BPTF: variants seen among roughly 807,000 people sequenced by gnomAD.
The protein encoded by BPTF is bromodomain PHD finger transcription factor.
A neutral mutation model predicts 292.5 loss-of-function variants in BPTF; 18 were observed. That is an observed-to-expected ratio of 0.06 (90% CI 0.04 to 0.09). The LOEUF is 0.09. Ranked by LOEUF, BPTF falls within the 10% of genes least tolerant of loss-of-function variation. BPTF has a pLI of 1.00. For missense variants in BPTF, 2,726 were observed against 3,498.7 expected (o/e 0.78, Z 5.57); for synonymous variants, 1,225 against 1,251.9 (o/e 0.98, Z 0.45).
intron 1 of BPTF, among the ~76,000 whole-genome samples, chr17:67,853,417 A>G (rs2144960937): frequency 6.6e-6 from 1 of 152,136 alleles, no homozygotes; most frequent in South Asian, 2.1e-4. Context: ...TCCACTTAGG[A>G]GGTACTTCTG....
chr17:67,964,232 G>T lies in BPTF; in HGVS notation c.8282G>T (p.Arg2761Leu). Residue 2761 changes from arginine to leucine, a missense_variant, in exon 25 of 28, where the codon CGG becomes CTG. Transcript: ENST00000306378. ...TGCAGATTTTATATTGGCTGTGATC[G>T]GTGTCAGAATTGGTACCATGGGCGC... ...DESKFYIGCD[R>L]CQNWYHGRCV... The T allele has an allele frequency of 6.2e-7, 1 of 1,611,160 alleles. No individual in the cohort carries two copies. The highest frequency in any genetic ancestry group is 1.3e-5 in the African/African-American group (1 of 74,952).
chr17:67,937,560 G>C (rs1001155618), intron 18 of BPTF, among the ~76,000 whole-genome samples: 1 of 152,114 alleles, frequency 6.6e-6, no homozygotes, highest in South Asian at 2.1e-4. Flanking sequence ...GAGAGCTGTG[G>C]AGCTGTGCAG....
At chr17:67,956,490 G>GT (rs1361568686) in intron 23 of BPTF, 1 of 151,822 alleles carries the variant, frequency 6.6e-6, no homozygotes, top group Non-Finnish European at 1.5e-5. Context: ...GCTGATTTTT[G>GT]TATTTTTAGT....
chr17:67,959,792 G>T lies in BPTF; in HGVS notation c.8178G>T (p.Lys2726Asn). The T allele has an allele frequency of 1.2e-6, 2 of 1,614,046 alleles. No individual in the cohort carries two copies. The highest frequency in any genetic ancestry group is 1.7e-6 in the Non-Finnish European group (2 of 1,179,988). ...EKDSSSKSKK[K>N]KMISTTSKET... ...ACTCCAGCTCAAAGTCCAAGAAAAA[G>T]AAAATGATCTCTACTACCTCAAAGG... Residue 2726 changes from lysine (K) to asparagine (N), a missense_variant, in exon 24 of 28, where the codon AAG becomes AAT. By Grantham distance (94) the Lys-to-Asn change is moderately conservative. Around this residue, in one of 22 missense-constraint regions of BPTF, gnomAD observed 148 missense variants for 145.5 expected, o/e 1.02. Coordinates refer to ENST00000306378, the MANE Select transcript of BPTF (RefSeq NM_182641.4).
chr17:67,968,848 G>A (rs951764997), intron 26 of BPTF, among the ~76,000 whole-genome samples: 2 of 151,298 alleles, frequency 1.3e-5, no homozygotes, highest in African/African-American at 2.5e-5. Flanking sequence ...CCGGCGTGGT[G>A]GCACATGCCT....
At chr17:67,893,927 A>G (rs1359850093) in intron 6 of BPTF, 107 bp from the exon 7 acceptor site, 2 of 1,392,526 alleles carry the variant, frequency 1.4e-6, no homozygotes, top group South Asian at 1.3e-5. Flanking sequence ...TTTAGGAGTC[A>G]TCGTCTTTAT....
At chr17:67,934,489 A>G (rs1205318413) in intron 18 of BPTF, among the ~76,000 whole-genome samples, 1 of 151,886 alleles carries the variant, frequency 6.6e-6, no homozygotes, top group Non-Finnish European at 1.5e-5. Flanking sequence ...ACTGCACTGC[A>G]GCCTGGGCAA....
chr17:67,964,809 C>T (rs1316451614), intron 25 of BPTF, among the ~76,000 whole-genome samples: 29 of 150,054 alleles, frequency 1.9e-4, no homozygotes, highest in East Asian at 5.9e-4. Context: ...ACCATCCTGG[C>T]TAACACGGTG....
At chr17:67,970,353 G>A (rs1480434547) in intron 26 of BPTF, among the ~76,000 whole-genome samples, 2 of 152,052 alleles carry the variant, frequency 1.3e-5, no homozygotes, top group East Asian at 1.9e-4. Flanking sequence ...AGCCATAATC[G>A]CACTACTGTA....
chr17:67,847,643 C>T (rs2058120365), intron 1 of BPTF, among the ~76,000 whole-genome samples: 1 of 150,036 alleles, frequency 6.7e-6, no homozygotes, highest in South Asian at 2.1e-4. Context: ...CCACTGCACT[C>T]CAGCCTGGGC....
chr17:67,878,644 C>A (rs2060193052), intron 4 of BPTF, among the ~76,000 whole-genome samples: 1 of 151,896 alleles, frequency 6.6e-6, no homozygotes, highest in African/African-American at 2.4e-5. Context: ...CTTGCTAGCT[C>A]CCTTGTGACT....
chr17:67,883,576 G>C (rs2146001022), intron 4 of BPTF, among the ~76,000 whole-genome samples: 1 of 151,992 alleles, frequency 6.6e-6, no homozygotes, highest in South Asian at 2.1e-4. Context: ...GGTTATTCTT[G>C]AATGTTGCTT....
In BPTF at chr17:67,945,719, A is replaced by G. The variant is rs1228662169; in HGVS notation, c.7011A>G (p.Gly2337=). The G allele has an allele frequency of 7.4e-6, 12 of 1,614,056 alleles. No homozygotes were observed. The highest frequency in any genetic ancestry group is 3.3e-5 in the Admixed American group (2 of 59,988). ...AQSQPQSNVQ[G]QSPVRVQSPS... ...CTCAGCCTCAAAGTAATGTCCAAGG[A>G]CAGTCTCCTGTTCGTGTCCAAAGTC... The change falls in exon 21 of 28, where the codon GGA becomes GGG. Residue 2337 remains glycine (G), a synonymous_variant. Coordinates refer to ENST00000306378, the MANE Select transcript of BPTF (RefSeq NM_182641.4).
At chr17:67,867,403 G>A (rs574341296) in intron 3 of BPTF, among the ~76,000 whole-genome samples, 46 of 152,190 alleles carry the variant, frequency 3.0e-4, no homozygotes, top group African/African-American at 1.1e-3. Context: ...GATAGTAGAG[G>A]GTTTCCATAT....
chr17:67,909,841 T>A, intron 10 of BPTF, 80 bp downstream of exon 10: 1 of 1,198,882 alleles, frequency 8.3e-7, no homozygotes, highest in Admixed American at 3.0e-5. Context: ...GGAAAGGTAC[T>A]GCGTTGTGTT....
chr17:67,886,163 A>G (rs778200660), intron 4 of BPTF: 1 of 1,612,040 alleles, frequency 6.2e-7, no homozygotes, highest in African/African-American at 1.3e-5. Flanking sequence ...CAGTAACACT[A>G]GTGCTACCAC....
intron 3 of BPTF, among the ~76,000 whole-genome samples, chr17:67,870,196 G>T (rs571959038): frequency 6.6e-6 from 1 of 151,220 alleles, no homozygotes; most frequent in East Asian, 1.9e-4. Flanking sequence ...AAGGTGAGTT[G>T]TACCTTGGAT....
At position 67,976,711 on chromosome 17, in the gene BPTF, AAAAAT is replaced by A. The variant is rs1568232748; in HGVS notation, c.8726+756_8726+760del. On this transcript the variant is annotated intron_variant, in intron 27 of 27. Transcript: ENST00000306378. ...AAAAAAAAAAAAAAAAAAAAAAAAA[AAAAAT>A]AAGAATAAAAGAAGAATTTCCTGAG... Among the ~76,000 whole-genome samples, 23 of 15,960 alleles carry A rather than the reference AAAAAT, an allele frequency of 1.4e-3. 1 individual carries two copies. The highest frequency in any genetic ancestry group is 0.05 in the Middle Eastern group (1 of 20). The allele number at this position is 15,960 out of a possible 152,430, so 10.5% of individuals were successfully genotyped here. A position where few individuals can be genotyped will look rare whatever the true frequency, so the allele number is the denominator to read the frequency against.
intron 1 of BPTF, among the ~76,000 whole-genome samples, chr17:67,853,093 G>A (rs906192208): frequency 3.3e-5 from 5 of 152,186 alleles, no homozygotes; most frequent in Non-Finnish European, 4.4e-5. Flanking sequence ...CCGAGGTCAC[G>A]CCACCATACT....
Sources: allele counts gnomAD v4.1 joint callset (sites outside exome capture counted in the v4.1 genomes callset), GRCh38; gene constraint gnomAD v4.1.1; regional missense constraint gnomAD v4.1.1; transcripts MANE v1.5; gene names NCBI Gene and HGNC (gene_info 2026-07-23, HGNC 2026-07-21).